The following HTR7 variants were observed in gnomAD, a reference collection of about 807,000 sequenced individuals.
HTR7 encodes the protein 5-HT-7.
In HTR7, 16 loss-of-function variants were observed where a neutral mutation model predicts 34.0. That is an observed-to-expected ratio of 0.47 (90% confidence interval 0.32 to 0.71). The LOEUF (loss-of-function observed/expected upper bound fraction) is 0.71, where lower values mean the gene tolerates loss of function less well. Among genes scored for constraint, HTR7 ranks in the 30% least tolerant of loss-of-function variants. The pLI, the probability that HTR7 is intolerant of heterozygous loss-of-function variation, is 0.04. For synonymous variants in HTR7, 265 were observed against 260.2 expected (o/e 1.02, Z -0.18); for missense variants, 504 against 625.5 (o/e 0.81, Z 2.07).
At chr10:90,848,069 CTTTTT>C (rs61675028) in intron 1 of HTR7, among the ~76,000 whole-genome samples, 1 of 112,096 alleles carries the variant, frequency 8.9e-6, no homozygotes, top group African/African-American at 3.8e-5. Context: ...TCTCTTTGTT[CTTTTT>C]TTTTTTTTTT....
At chr10:90,811,834 A>C (rs1389338534) in intron 1 of HTR7, among the ~76,000 whole-genome samples, 3 of 152,138 alleles carry the variant, frequency 2.0e-5, no homozygotes, top group African/African-American at 7.2e-5. Context: ...GGGTCTGAGA[A>C]GGCCACCGTA....
At chr10:90,776,174 T>TA (rs943800887) in intron 1 of HTR7, among the ~76,000 whole-genome samples, 3 of 152,104 alleles carry the variant, frequency 2.0e-5, no homozygotes, top group Non-Finnish European at 4.4e-5. Context: ...GTGTAGACAA[T>TA]AGGGTCTACC....
At chr10:90,810,566 T>C (rs567677209) in intron 1 of HTR7, among the ~76,000 whole-genome samples, 1 of 152,344 alleles carries the variant, frequency 6.6e-6, no homozygotes, top group East Asian at 1.9e-4. Context: ...TCAGGATCTG[T>C]GCCTTATCAA....
chr10:90,845,530 G>A (rs1027067317), intron 1 of HTR7, among the ~76,000 whole-genome samples: 6 of 152,118 alleles, frequency 3.9e-5, no homozygotes, highest in Admixed American at 3.3e-4. Context: ...GTCACTCAAC[G>A]ACAGACACTC....
intron 1 of HTR7, among the ~76,000 whole-genome samples, chr10:90,838,870 T>C (rs935935177): frequency 2.0e-5 from 3 of 152,226 alleles, no homozygotes; most frequent in African/African-American, 7.2e-5. Context: ...ATTTTAATTG[T>C]GCGTGATACT....
chr10:90,790,460 G>A (rs1468342949), intron 1 of HTR7, among the ~76,000 whole-genome samples: 1 of 152,086 alleles, frequency 6.6e-6, no homozygotes, highest in East Asian at 1.9e-4. Flanking sequence ...TCATACAAGT[G>A]AATACAATCC....
At chr10:90,775,424 G>A (rs980691181) in intron 1 of HTR7, among the ~76,000 whole-genome samples, 3 of 152,188 alleles carry the variant, frequency 2.0e-5, no homozygotes, top group Middle Eastern at 3.2e-3. Context: ...TGAAGATGTT[G>A]AGGAAGAGAA....
chr10:90,852,196 G>A (rs537944227), intron 1 of HTR7, among the ~76,000 whole-genome samples: 3 of 99,262 alleles, frequency 3.0e-5, no homozygotes, highest in Non-Finnish European at 5.6e-5. Flanking sequence ...GTCTCTTTAT[G>A]TGAAGTAAAA....
rs536201095 is a variant in HTR7 at position 90,829,084 on chromosome 10, T to C, written c.539+28049A>G. Among the ~76,000 whole-genome samples, 326 of 152,306 alleles carry C rather than the reference T, an allele frequency of 2.1e-3. 1 individual carries two copies. The highest frequency in any genetic ancestry group is 0.01 in the Middle Eastern group (3 of 294). On this transcript the variant is annotated intron_variant, in intron 1 of 3. Coordinates refer to ENST00000336152, the MANE Select transcript of HTR7 (RefSeq NM_019859.4). ...GGGATTTATCCCAGGTATGCAAGCA[T>C]AGTTCAACATATGTAAATCAACCAA...
intron 1 of HTR7, among the ~76,000 whole-genome samples, chr10:90,753,177 G>T (rs1394041376): frequency 6.6e-6 from 1 of 151,844 alleles, no homozygotes; most frequent in Non-Finnish European, 1.5e-5. Flanking sequence ...GTTTGTAAAA[G>T]AAAAAACAAA....
chr10:90,844,189 A>G (rs1353271355), intron 1 of HTR7, among the ~76,000 whole-genome samples: 2 of 152,238 alleles, frequency 1.3e-5, no homozygotes, highest in African/African-American at 4.8e-5. Flanking sequence ...TCTTATCCCA[A>G]GACCAGGAGA....
At chr10:90,765,374 A>G (rs972747404) in intron 1 of HTR7, among the ~76,000 whole-genome samples, 5 of 152,016 alleles carry the variant, frequency 3.3e-5, no homozygotes, top group African/African-American at 1.2e-4. Flanking sequence ...TATTTCTGTG[A>G]CATCAGTTTT....
intron 1 of HTR7, among the ~76,000 whole-genome samples, chr10:90,787,197 A>G (rs1402138700): frequency 6.6e-6 from 1 of 152,188 alleles, no homozygotes; most frequent in African/African-American, 2.4e-5. Flanking sequence ...TCAGTAAATA[A>G]TAAGACAAAC....
At chr10:90,776,013 T>C (rs774250763) in intron 1 of HTR7, among the ~76,000 whole-genome samples, 1 of 152,242 alleles carries the variant, frequency 6.6e-6, no homozygotes, top group Non-Finnish European at 1.5e-5. Context: ...TATAAAATTA[T>C]TAGAGAGATA....
intron 1 of HTR7, among the ~76,000 whole-genome samples, chr10:90,762,561 A>G (rs1368894819): frequency 6.6e-6 from 1 of 152,170 alleles, no homozygotes; most frequent in African/African-American, 2.4e-5. Context: ...TGGTTTCTGA[A>G]TATTTTCTCC....
chr10:90,759,204 AAG>A (rs1357142332), intron 1 of HTR7, among the ~76,000 whole-genome samples: 1 of 141,218 alleles, frequency 7.1e-6, no homozygotes, highest in African/African-American at 2.8e-5. Flanking sequence ...AAAAAAAAAA[AAG>A]TGAAATAGCA....
intron 1 of HTR7, among the ~76,000 whole-genome samples, chr10:90,823,858 C>CT (rs1846026081): frequency 1.3e-5 from 2 of 152,184 alleles, no homozygotes; most frequent in Non-Finnish European, 1.5e-5. Context: ...CTTTCACTCT[C>CT]TTTTTCCTGC....
intron 1 of HTR7, among the ~76,000 whole-genome samples, chr10:90,785,297 C>T (rs915449172): frequency 4.6e-5 from 7 of 152,106 alleles, no homozygotes; most frequent in Non-Finnish European, 8.8e-5. Flanking sequence ...CTGTACCTGT[C>T]CCATAAACAT....
intron 1 of HTR7, among the ~76,000 whole-genome samples, chr10:90,761,376 A>G (rs1441396256): frequency 2.6e-5 from 4 of 152,184 alleles, no homozygotes; most frequent in African/African-American, 9.6e-5. Flanking sequence ...CTTTTTTAAT[A>G]TACATATATA....
Sources: gnomAD v4.1 joint callset for allele counts (sites outside exome capture counted in the v4.1 genomes callset) on GRCh38, gnomAD v4.1.1 for gene constraint, MANE v1.5 for transcripts, NCBI Gene and HGNC (gene_info 2026-07-23, HGNC 2026-07-21) for gene names.